Variants in MAP3K8 observed in about 807,000 individuals in gnomAD.
MAP3K8 encodes Ewing sarcoma transformant.
In MAP3K8, 22 loss-of-function variants were observed where a neutral mutation model predicts 45.8. That is an observed-to-expected ratio of 0.48 (90% confidence interval 0.34 to 0.69). The LOEUF is 0.69. Among genes scored for constraint, MAP3K8 ranks in the 30% least tolerant of loss-of-function variants. The pLI is 0.01. For synonymous variants in MAP3K8, 223 were observed against 214.3 expected, an observed-to-expected ratio of 1.04 and a Z score of -0.36; for missense variants, 419 against 585.0, an observed-to-expected ratio of 0.72 and a Z score of 2.93.
At chr10:30,447,751 C>G (rs761713085) in intron 3 of MAP3K8, 31 bp from the exon 4 acceptor site, 2 of 1,598,744 alleles carry the variant, frequency 1.3e-6, no homozygotes, top group African/African-American at 1.3e-5. Context: ...GACTGAAGTT[C>G]TCACCGTCTC....
At position 30,447,947 on chromosome 10, in the gene MAP3K8, C is replaced by T. The variant is rs545305312; in HGVS notation, c.502C>T (p.Leu168=). The change falls in exon 4 of 9, where the codon CTG becomes TTG. Residue 168 remains leucine (L), a splice_region_variant and synonymous_variant. Coordinates refer to ENST00000263056, the MANE Select transcript of MAP3K8 (RefSeq NM_005204.4). ...IKTKKRMACK[L]IPVDQFKPSD... ...GACGAAGAAAAGAATGGCGTGTAAACTGGTATGTGTTTTCTACCTAGATAA... is the reference window on the plus strand; with the variant it reads ...GACGAAGAAAAGAATGGCGTGTAAATTGGTATGTGTTTTCTACCTAGATAA... 2.5e-6 allele frequency: 4 copies of T among 1,605,322 alleles called. No individual in the cohort carries two copies. In the East Asian group the frequency reaches 6.7e-5, roughly 27 times the overall value.
At chr10:30,445,345 C>A (rs912388362) in intron 3 of MAP3K8, among the ~76,000 whole-genome samples, 2 of 152,094 alleles carry the variant, frequency 1.3e-5, no homozygotes, top group Admixed American at 6.6e-5. Context: ...TGCAGTGAGC[C>A]AAGATCTGCC....
At chr10:30,452,865 A>G (rs544744315) in intron 6 of MAP3K8, among the ~76,000 whole-genome samples, 6 of 149,300 alleles carry the variant, frequency 4.0e-5, no homozygotes, top group Non-Finnish European at 8.9e-5. Flanking sequence ...TTCAGTAGAG[A>G]TGCAGGTTTC....
chr10:30,448,472 G>T (rs1259525863), intron 4 of MAP3K8, among the ~76,000 whole-genome samples: 1 of 149,432 alleles, frequency 6.7e-6, no homozygotes, highest in East Asian at 2.0e-4. Flanking sequence ...TTGCTCTGTT[G>T]TCCAGGCTGG....
intron 6 of MAP3K8, among the ~76,000 whole-genome samples, chr10:30,457,321 T>C (rs1836770887): frequency 6.6e-6 from 1 of 152,228 alleles, no homozygotes; most frequent in South Asian, 2.1e-4. Context: ...AGATAGTTTG[T>C]AAAAATGACT....
chr10:30,451,846 AC>A, intron 6 of MAP3K8, 102 bp downstream of exon 6: 1 of 589,412 alleles, frequency 1.7e-6, no homozygotes, highest in Non-Finnish European at 3.0e-6. Context: ...AGGGGAAGAA[AC>A]CCACTGCATT....
rs753989140 is a variant in MAP3K8 at position 30,458,247 on chromosome 10, T to A, written c.1026+11T>A. The A allele has an allele frequency of 3.8e-6, 3 of 787,678 alleles. No homozygotes were observed. The highest frequency in any genetic ancestry group is 5.7e-6 in the Non-Finnish European group (3 of 523,774). 48.8% of individuals were successfully genotyped at this position (787,678 alleles called of 1,614,324 possible). On this transcript the variant is annotated intron_variant, in intron 7 of 8. Transcript: ENST00000263056. ...TCCTACCTGTACATAGTAAGTGGGG[T>A]TCAACCAGGGCTGGGGGCGGCGGGG...
chr10:30,457,920 A>G (rs1020320100), intron 6 of MAP3K8, among the ~76,000 whole-genome samples, 164 bp from the exon 7 acceptor site: 4 of 152,132 alleles, frequency 2.6e-5, no homozygotes, highest in Non-Finnish European at 4.4e-5. Flanking sequence ...GTTCTTCATC[A>G]GACTGCAGGG....
Position 30,439,547 on chromosome 10 carries a change from C to T in MAP3K8, c.336+273C>T, listed in dbSNP as rs115131497. The T allele has an allele frequency of 5.4e-3, 3,578 of 659,820 alleles. 103 individuals are homozygous for T. In the African/African-American group the frequency reaches 0.056, roughly 10 times the overall value. 40.9% of individuals were successfully genotyped at this position (659,820 alleles called of 1,614,324 possible). ...TATTTTGGCCGGGTGCAGGGGCTCA[C>T]GCCTGTAATCCGCGCACTTGGAGAG... On this transcript the variant is annotated intron_variant, in intron 3 of 8. Transcript: ENST00000263056.
chr10:30,454,379 A>C (rs1836661973), intron 6 of MAP3K8, among the ~76,000 whole-genome samples: 1 of 110,844 alleles, frequency 9.0e-6, no homozygotes, highest in African/African-American at 2.5e-5. Flanking sequence ...CCATCGCTAC[A>C]AAAAGTAAAC....
At chr10:30,457,295 A>G (rs116149124) in intron 6 of MAP3K8, among the ~76,000 whole-genome samples, 1,631 of 152,312 alleles carry the variant, frequency 0.011, 21 homozygotes, top group African/African-American at 0.034. Context: ...TGGGCTACAT[A>G]GTAGGTAAAA....
chr10:30,450,249 G>T lies in MAP3K8; in HGVS notation c.505-9G>T. ...TATTTAGAATCTCGCTTGTATTTTT[G>T]TGTTCTAGATCCCAGTAGATCAATT... On this transcript the variant is annotated splice_polypyrimidine_tract_variant and intron_variant, in intron 4 of 8. Coordinates refer to ENST00000263056, the MANE Select transcript of MAP3K8 (RefSeq NM_005204.4). The T allele has an allele frequency of 6.4e-7, 1 of 1,566,352 alleles. No homozygotes were observed. The highest frequency in any genetic ancestry group is 8.7e-7 in the Non-Finnish European group (1 of 1,155,532).
rs1403069382 is a variant in MAP3K8, at chr10:30,461,159, G to A, written c.*323G>A. 6 of 274,800 alleles carry A rather than the reference G, an allele frequency of 2.2e-5. No individual in the cohort carries two copies. The highest frequency in any genetic ancestry group is 4.1e-5 in the Non-Finnish European group (6 of 145,638). 17.0% of individuals were successfully genotyped at this position (274,800 alleles called of 1,614,324 possible). A position where few individuals can be genotyped will look rare whatever the true frequency, so the allele number is the denominator to read the frequency against. ...AAATTTTAAAAATACCAATCACAAG[G>A]ATAATAGAGTAGCCTAAAATTACTA... On this transcript the variant is annotated 3_prime_UTR_variant, in exon 9 of 9. Transcript: ENST00000263056.
rs777921898 is a variant in MAP3K8, at chr10:30,458,146, C to T, written c.936C>T (p.Ser312=). Reference sequence around the variant, plus strand: ...ATTCAACCAAAGCAGACATCTACAGCCTGGGGGCCACGCTCATCCACATGC... The same window carrying T: ...ATTCAACCAAAGCAGACATCTACAGTCTGGGGGCCACGCTCATCCACATGC... ...RGHSTKADIY[S]LGATLIHMQT... Residue 312 remains serine, a synonymous_variant, in exon 7 of 9, where the codon AGC becomes AGT. Coordinates refer to ENST00000263056, the MANE Select transcript of MAP3K8 (RefSeq NM_005204.4). 6.9e-6 allele frequency: 11 copies of T among 1,595,086 alleles called. No individual in the cohort carries two copies. The highest frequency in any genetic ancestry group is 9.4e-6 in the Non-Finnish European group (11 of 1,170,438).
chr10:30,458,228 C>T lies in MAP3K8; in HGVS notation c.1018C>T (p.Leu340=), dbSNP rs752431063. 2 of 1,425,896 alleles carry T rather than the reference C, an allele frequency of 1.4e-6. No individual in the cohort carries two copies. The highest frequency in any genetic ancestry group is 9.5e-7 in the Non-Finnish European group (1 of 1,057,470). 88.3% of individuals were successfully genotyped at this position (1,425,896 alleles called of 1,614,324 possible). The change falls in exon 7 of 9, where the codon CTG becomes TTG. Residue 340 remains leucine, a synonymous_variant. Coordinates refer to ENST00000263056, the MANE Select transcript of MAP3K8 (RefSeq NM_005204.4). The part of the protein sequence containing the change: ...RYPRSAYPSY[L]YIIHKQAPPL... Reference sequence around the variant, plus strand: ...CCCTCGCTCAGCCTATCCCTCCTACCTGTACATAGTAAGTGGGGTTCAACC... The same window carrying T: ...CCCTCGCTCAGCCTATCCCTCCTACTTGTACATAGTAAGTGGGGTTCAACC...
chr10:30,458,279 G>A lies in MAP3K8; in HGVS notation c.1026+43G>A, dbSNP rs376585178. ...AGGGCTGGGGGCGGCGGGGGGGGGC[G>A]TTGAGTTATGCATCCCGCAGGCTTG... is the stretch of plus-strand genomic sequence containing the variant. On this transcript the variant is annotated intron_variant, in intron 7 of 8. Transcript: ENST00000263056. 67 of 1,288,186 alleles carry A rather than the reference G, an allele frequency of 5.2e-5. 3 individuals are homozygous for A. The highest frequency in any genetic ancestry group is 1.4e-4 in the East Asian group (5 of 35,750). 79.8% of individuals were successfully genotyped at this position (1,288,186 alleles called of 1,614,324 possible).
chr10:30,451,243 T>C (rs995859753), intron 5 of MAP3K8, among the ~76,000 whole-genome samples: 4 of 152,158 alleles, frequency 2.6e-5, no homozygotes, highest in African/African-American at 7.2e-5. Context: ...GAGTCTGATA[T>C]GATGAGGAAA....
intron 3 of MAP3K8, among the ~76,000 whole-genome samples, chr10:30,445,347 A>G (rs1466195341): frequency 6.6e-6 from 1 of 152,216 alleles, no homozygotes; most frequent in Non-Finnish European, 1.5e-5. Flanking sequence ...CAGTGAGCCA[A>G]GATCTGCCAC....
At chr10:30,444,589 C>G (rs1252809270) in intron 3 of MAP3K8, among the ~76,000 whole-genome samples, 2 of 152,148 alleles carry the variant, frequency 1.3e-5, no homozygotes, top group Non-Finnish European at 2.9e-5. Flanking sequence ...CAGGGCCCAT[C>G]ATGAAAAGAG....
Sources: allele counts gnomAD v4.1 joint callset (sites outside exome capture counted in the v4.1 genomes callset), GRCh38; gene constraint gnomAD v4.1.1; transcripts MANE v1.5; gene names NCBI Gene and HGNC (gene_info 2026-07-23, HGNC 2026-07-21).